MRO: variants seen among roughly 807,000 people sequenced by gnomAD.
The protein encoded by MRO is protein maestro.
MRO carries 28 observed loss-of-function variants against 31.0 expected under a neutral mutation model. The observed-to-expected ratio is 0.90, with a 90% CI of 0.67 to 1.24. The LOEUF (loss-of-function observed/expected upper bound fraction) is 1.24. Ranked by LOEUF, MRO falls within the 50% of genes most tolerant of loss-of-function variation. The pLI is 0.00. For missense variants in MRO, 332 were observed against 289.2 expected (o/e 1.15, Z -1.07); for synonymous variants, 108 against 108.4 (o/e 1.00, Z 0.02).
chr18:50,801,209 G>C lies in MRO; in HGVS notation c.585+140C>G, dbSNP rs1913279049. The C allele has an allele frequency of 3.7e-5, 26 of 706,824 alleles. 1 individual carries two copies. The South Asian group carries it at 6.0e-4, about 16-fold the overall frequency. 43.8% of individuals were successfully genotyped at this position (706,824 alleles called of 1,614,324 possible). On this transcript the variant is annotated intron_variant, in intron 6 of 7. Coordinates refer to ENST00000398439, the MANE Select transcript of MRO (RefSeq NM_031939.6). ...AGATTACACACCAAAGAGGCACCTT[G>C]TCAAGGATGCACACAGAAACGCTGC...
chr18:50,800,538 T>A (rs994090319), intron 6 of MRO, among the ~76,000 whole-genome samples: 15 of 152,214 alleles, frequency 9.9e-5, no homozygotes, highest in Non-Finnish European at 1.6e-4. Flanking sequence ...TCCAACCTTG[T>A]TGGGATACAA....
chr18:50,801,459 A>C lies in MRO; in HGVS notation c.475T>G (p.Leu159Val). 1.2e-6 allele frequency: 2 copies of C among 1,612,332 alleles called. No homozygotes were observed. Among genetic ancestry groups the C allele is most frequent in the Non-Finnish European group, 1.7e-6 (2 of 1,179,142 alleles). Residue 159 changes from leucine (L) to valine (V), a missense_variant, in exon 6 of 8, where the codon TTG becomes GTG. Transcript: ENST00000398439. ...CATTTCCTCCCGGCAAAGGCAGCCAATTGCCCAAACAAAACAAAGGCCGAG... is the reference window on the plus strand; with the variant it reads ...CATTTCCTCCCGGCAAAGGCAGCCACTTGCCCAAACAAAACAAAGGCCGAG... ...RYSAFVLFGQ[L>V]AAFAGRKWKK...
At chr18:50,816,825 T>C (rs1371619774) in intron 2 of MRO, among the ~76,000 whole-genome samples, 1 of 152,152 alleles carries the variant, frequency 6.6e-6, no homozygotes, top group Admixed American at 6.5e-5. Context: ...GAGGGCCCAC[T>C]CACCAAGGAG....
intron 1 of MRO, among the ~76,000 whole-genome samples, chr18:50,825,090 TAAAA>T (rs1291462123): frequency 2.1e-5 from 3 of 141,864 alleles, no homozygotes; most frequent in African/African-American, 7.7e-5. Context: ...AAAAAAAAAT[TAAAA>T]AAAAAAAGTA....
intron 1 of MRO, among the ~76,000 whole-genome samples, chr18:50,825,075 AAAAAAAAAAAAAATT>A (rs1443336756): frequency 6.2e-5 from 2 of 32,116 alleles, no homozygotes; most frequent in Non-Finnish European, 1.1e-4. Context: ...ATTCCATCTT[AAAAAAAAAAAAAATT>A]AAAAAAAAAA....
chr18:50,815,920 G>C (rs1290849383), intron 2 of MRO, among the ~76,000 whole-genome samples: 1 of 152,148 alleles, frequency 6.6e-6, no homozygotes, highest in Non-Finnish European at 1.5e-5. Context: ...TGTAATCCCA[G>C]CTACTTGGGA....
intron 5 of MRO, among the ~76,000 whole-genome samples, chr18:50,802,932 T>A (rs1308143929): frequency 6.6e-6 from 1 of 151,442 alleles, no homozygotes. Context: ...TGTGTGTGTG[T>A]GTGTGTGTGT....
intron 7 of MRO, among the ~76,000 whole-genome samples, chr18:50,799,809 G>A (rs556883443): frequency 2.0e-5 from 3 of 152,320 alleles, no homozygotes; most frequent in Non-Finnish European, 2.9e-5. Flanking sequence ...TACTCAAGAA[G>A]CTGAGGCACG....
At chr18:50,808,741 C>A (rs1914173140) in intron 3 of MRO, among the ~76,000 whole-genome samples, 1 of 151,724 alleles carries the variant, frequency 6.6e-6, no homozygotes, top group African/African-American at 2.4e-5. Flanking sequence ...AGAGGTGAGC[C>A]ACCACACCCG....
rs201009739 is a variant in MRO at position 50,801,469 on chromosome 18, C to A, written c.465G>T (p.Leu155Phe). Residue 155 changes from leucine to phenylalanine, a missense_variant, in exon 6 of 8, where the codon TTG becomes TTT. Physicochemically the swap from Leu to Phe is conservative, Grantham distance 22. Coordinates refer to ENST00000398439, the MANE Select transcript of MRO (RefSeq NM_031939.6). Reference protein sequence around the residue: ...NDSLRYSAFVLFGQLAAFAGR... With the variant: ...NDSLRYSAFVFFGQLAAFAGR... ...CGGCAAAGGCAGCCAATTGCCCAAACAAAACAAAGGCCGAGTATCTCAGAC... is the reference window on the plus strand; with the variant it reads ...CGGCAAAGGCAGCCAATTGCCCAAAAAAAACAAAGGCCGAGTATCTCAGAC... 1.9e-6 allele frequency: 3 copies of A among 1,611,160 alleles called. No homozygotes were observed. The highest frequency in any genetic ancestry group is 1.7e-6 in the Non-Finnish European group (2 of 1,178,668).
rs34531650 is a variant in MRO at position 50,800,092 on chromosome 18, C to T, written c.637G>A (p.Glu213Lys). ...ACSPYLKLKE[E>K]YSFQSEEDQR... Reference sequence around the variant, plus strand: ...TCTTCTTCACTCTGGAAGCTGTATTCCTCCTTTAGTTTCAGATATGGAGAA... The same window carrying T: ...TCTTCTTCACTCTGGAAGCTGTATTTCTCCTTTAGTTTCAGATATGGAGAA... The change falls in exon 7 of 8, where the codon GAA (glutamate) becomes AAA (lysine). Residue 213 changes from glutamate to lysine, a missense_variant. Transcript: ENST00000398439. 113 of 1,613,800 alleles carry T rather than the reference C, an allele frequency of 7.0e-5. No homozygotes were observed. The African/African-American group carries it at 1.3e-3, about 18-fold the overall frequency.
chr18:50,821,836 C>T (rs141935937), upstream of MRO, among the ~76,000 whole-genome samples: 27 of 152,312 alleles, frequency 1.8e-4, no homozygotes, highest in East Asian at 4.6e-3. Flanking sequence ...TATCCAGGAG[C>T]CTTTCTGATA....
rs907698542 is a variant in MRO at position 50,798,264 on chromosome 18, C to T, written c.*1073G>A. 1 of 151,898 alleles carries T rather than the reference C, an allele frequency of 6.6e-6. No individual in the cohort carries two copies. Among genetic ancestry groups the T allele is most frequent in the East Asian group, 1.9e-4 (1 of 5,178 alleles). The allele number at this position is 151,898 out of a possible 1,614,324, so 9.4% of individuals were successfully genotyped here. On this transcript the variant is annotated 3_prime_UTR_variant, in exon 8 of 8. Transcript: ENST00000398439. Reference sequence around the variant, plus strand: ...TCACCAAAATAATTGACATTAATAGCCAAAAAGTAATTAATAAAAACACTC... The same window carrying T: ...TCACCAAAATAATTGACATTAATAGTCAAAAAGTAATTAATAAAAACACTC...
At chr18:50,820,878 G>A (rs1159738136), upstream of MRO, among the ~76,000 whole-genome samples, 1 of 152,170 alleles carries the variant, frequency 6.6e-6, no homozygotes, top group Non-Finnish European at 1.5e-5. Flanking sequence ...ATGTCAGAGT[G>A]GAAGATGAAA....
At chr18:50,806,410 A>G (rs1463465428) in intron 4 of MRO, among the ~76,000 whole-genome samples, 1 of 152,246 alleles carries the variant, frequency 6.6e-6, no homozygotes, top group African/African-American at 2.4e-5. Context: ...AATTCTGCCA[A>G]CAACGATGTA....
At chr18:50,803,646 C>G (rs1436832333) in intron 5 of MRO, among the ~76,000 whole-genome samples, 1 of 152,196 alleles carries the variant, frequency 6.6e-6, no homozygotes, top group Non-Finnish European at 1.5e-5. Context: ...CCGCTCCCTC[C>G]CCAGAGAGGA....
intron 2 of MRO, chr18:50,816,287 A>T (rs1914912788): frequency 6.6e-6 from 1 of 152,440 alleles, no homozygotes; most frequent in African/African-American, 2.4e-5. Flanking sequence ...AATGCAATGT[A>T]GCATTGGCTA....
intron 2 of MRO, among the ~76,000 whole-genome samples, chr18:50,812,378 G>T (rs1243307274): frequency 1.3e-5 from 2 of 152,118 alleles, no homozygotes; most frequent in African/African-American, 4.8e-5. Flanking sequence ...CTTTTTCTGA[G>T]TTGTAAGAAT....
In MRO at chr18:50,799,475, A is replaced by C. The variant is rs957969986; in HGVS notation, c.694-85T>G. The C allele has an allele frequency of 9.5e-6, 11 of 1,160,520 alleles. No homozygotes were observed. In the African/African-American group the frequency reaches 1.2e-4, roughly 13 times the overall value. 71.9% of individuals were successfully genotyped at this position (1,160,520 alleles called of 1,614,324 possible). The stretch of plus-strand genomic sequence containing the variant: ...GTAACTAGTAGGCAGTGATCAGTGC[A>C]GGGCATGTGGATAAGCAGGAGAGGT... On this transcript the variant is annotated intron_variant, in intron 7 of 7. Transcript: ENST00000398439.
Sources: allele counts gnomAD v4.1 joint callset (sites outside exome capture counted in the v4.1 genomes callset), GRCh38; gene constraint gnomAD v4.1.1; transcripts MANE v1.5; gene names NCBI Gene and HGNC (gene_info 2026-07-23, HGNC 2026-07-21).